SAG: variants seen among roughly 807,000 people sequenced by gnomAD.
The protein encoded by SAG is S-antigen visual arrestin, also known as S-arrestin.
In SAG, 45 loss-of-function variants were observed where a neutral mutation model predicts 55.0. The ratio of observed to expected loss-of-function variants is 0.82; its 90% CI spans 0.64 to 1.05. The LOEUF (loss-of-function observed/expected upper bound fraction) is 1.05. Ranked by LOEUF, SAG falls within the 50% of genes least tolerant of loss-of-function variation. SAG has a pLI of 0.00. For missense variants in SAG, 455 were observed against 512.1 expected (o/e 0.89, Z 1.08); for synonymous variants, 189 against 197.4 (o/e 0.96, Z 0.36).
intron 5 of SAG, among the ~76,000 whole-genome samples, chr2:233,321,915 G>C (rs1158767553): frequency 6.6e-6 from 1 of 151,584 alleles, no homozygotes; most frequent in Non-Finnish European, 1.5e-5. Context: ...GCCTTAAAAC[G>C]TGTGCTTCTC....
At chr2:233,335,614 G>A (rs1700901422) in intron 11 of SAG, among the ~76,000 whole-genome samples, 3 of 152,006 alleles carry the variant, frequency 2.0e-5, no homozygotes. Flanking sequence ...TTTCCATCAG[G>A]AATTGTAAAG....
chr2:233,317,019 G>T (rs998692075), intron 3 of SAG, among the ~76,000 whole-genome samples: 2 of 152,104 alleles, frequency 1.3e-5, no homozygotes, highest in Admixed American at 6.6e-5. Flanking sequence ...GTGCCACCAC[G>T]CCTGGCTAAT....
intron 3 of SAG, among the ~76,000 whole-genome samples, chr2:233,316,342 A>C: frequency 6.6e-6 from 1 of 151,734 alleles, no homozygotes; most frequent in Non-Finnish European, 1.5e-5. Flanking sequence ...ATGGAGTTTC[A>C]TTCTTGTTGG....
rs35197599 is a variant in SAG, at chr2:233,322,185, C to CAA, written c.376-738_376-737dup. On this transcript the variant is annotated intron_variant, in intron 5 of 15. Coordinates refer to ENST00000409110, the MANE Select transcript of SAG (RefSeq NM_000541.5). ...TGGGTGACAGAGCGAGACTCTGTCT[C>CAA]AAAAAAAAAAAAAAAAAAAAAAAAG... is the stretch of plus-strand genomic sequence containing the variant. Among the ~76,000 whole-genome samples the CAA allele has an allele frequency of 3.3e-3, 215 of 65,368 alleles. 1 individual carries two copies. Among genetic ancestry groups the CAA allele is most frequent in the Non-Finnish European group, 3.9e-3 (122 of 31,320 alleles). The allele number at this position is 65,368 out of a possible 152,430, so 42.9% of individuals were successfully genotyped here.
At chr2:233,339,789 AGTAGCTGGGATTACAG>A (rs1701045521) in intron 12 of SAG, among the ~76,000 whole-genome samples, 1 of 150,284 alleles carries the variant, frequency 6.7e-6, no homozygotes, top group South Asian at 2.1e-4. Context: ...TCAGCTTCTG[AGTAGCTGGGATTACAG>A]GTGCCCACCA....
chr2:233,327,124 T>C lies in SAG; in HGVS notation c.439T>C (p.Cys147Arg). Residue 147 changes from cysteine (C) to arginine (R), a missense_variant, in exon 7 of 16, where the codon TGT becomes CGT. Physicochemically the swap from Cys to Arg is radical, Grantham distance 180. Coordinates refer to ENST00000409110, the MANE Select transcript of SAG (RefSeq NM_000541.5). ...GTCTGCTCTCTCTCCCCAACAGTCC[T>C]GTGGGGTTGACTTTGAGGTCAAAGC... ...QPAPQDSGKS[C>R]GVDFEVKAFA... 1 of 1,613,482 alleles carries C rather than the reference T, an allele frequency of 6.2e-7. No homozygotes were observed. The highest frequency in any genetic ancestry group is 1.1e-5 in the South Asian group (1 of 91,080).
intron 11 of SAG, among the ~76,000 whole-genome samples, chr2:233,338,107 G>A (rs1192650957): frequency 6.6e-6 from 1 of 152,218 alleles, no homozygotes; most frequent in African/African-American, 2.4e-5. Flanking sequence ...GGATATCTTG[G>A]AAGGCAGGAG....
In SAG at chr2:233,335,164, C is replaced by A. The variant is rs1416253254; in HGVS notation, c.944+65C>A. The A allele has an allele frequency of 3.2e-6, 5 of 1,560,156 alleles. No homozygotes were observed. In the South Asian group the frequency reaches 5.8e-5, roughly 18 times the overall value. ...GGGCTGGTGCTGGTCTGCTTCCCTT[C>A]ACATCACCCTGCTGGGCTCGCAGGC... On this transcript the variant is annotated intron_variant, in intron 11 of 15. Coordinates refer to ENST00000409110, the MANE Select transcript of SAG (RefSeq NM_000541.5).
In SAG at chr2:233,320,680, G is replaced by T. The variant is rs760031511; in HGVS notation, c.232G>T (p.Val78Leu). 3.0e-5 allele frequency: 48 copies of T among 1,607,114 alleles called. No individual in the cohort carries two copies. The highest frequency in any genetic ancestry group is 3.9e-5 in the Non-Finnish European group (46 of 1,176,864). Reference protein sequence around the residue: ...AFRYGQEDIDVIGLTFRRDLY... With the variant: ...AFRYGQEDIDLIGLTFRRDLY... ...CCGCTATGGCCAAGAGGACATTGAC[G>T]TGATCGGCTTGACCTTCCGCAGGGA... Residue 78 changes from valine (V) to leucine (L), a missense_variant, in exon 5 of 16, where the codon GTG (valine) becomes TTG (leucine). By Grantham distance (32) the Val-to-Leu change is conservative. Transcript: ENST00000409110.
rs534274448 is a variant in SAG, at chr2:233,331,693, G to C, written c.787G>C (p.Val263Leu). The change falls in exon 10 of 16, where the codon GTG (valine) becomes CTG (leucine). Residue 263 changes from valine to leucine, a missense_variant. Coordinates refer to ENST00000409110, the MANE Select transcript of SAG (RefSeq NM_000541.5). ...CTCGAGTGATTATTACGTCAAGCCCGTGGCTATGGAGGAAGCGCAGTGAGT... is the reference window on the plus strand; with the variant it reads ...CTCGAGTGATTATTACGTCAAGCCCCTGGCTATGGAGGAAGCGCAGTGAGT... Reference protein sequence around the residue: ...LYSSDYYVKPVAMEEAQEKVP... With the variant: ...LYSSDYYVKPLAMEEAQEKVP... The C allele has an allele frequency of 6.2e-7, 1 of 1,613,600 alleles. No individual in the cohort carries two copies. Among genetic ancestry groups the C allele is most frequent in the African/African-American group, 1.3e-5 (1 of 75,028 alleles).
rs888643626 is a variant in SAG at position 233,340,617 on chromosome 2, C to T, written c.1046+139C>T. ...GGTGTTAGGAATGATGCTTTGCCTTCGGATGCATCACAGAACCGTGGCTCA... is the reference window on the plus strand; with the variant it reads ...GGTGTTAGGAATGATGCTTTGCCTTTGGATGCATCACAGAACCGTGGCTCA... On this transcript the variant is annotated intron_variant, in intron 13 of 15. Transcript: ENST00000409110. This position sits in a 1 kb window ranked among gnomAD's most constrained non-coding sequence, Gnocchi z 4.2. 3.0e-5 allele frequency: 21 copies of T among 693,520 alleles called. No individual in the cohort carries two copies. In the African/African-American group the frequency reaches 3.1e-4, roughly 10 times the overall value. 43.0% of individuals were successfully genotyped at this position (693,520 alleles called of 1,614,324 possible).
At chr2:233,335,905 G>A (rs1408807559) in intron 11 of SAG, among the ~76,000 whole-genome samples, 2 of 152,236 alleles carry the variant, frequency 1.3e-5, no homozygotes, top group East Asian at 1.9e-4. Flanking sequence ...CACCTCCGAG[G>A]TGATGCCAAT....
At chr2:233,312,869 C>A (rs1700113557) in intron 2 of SAG, among the ~76,000 whole-genome samples, 1 of 152,216 alleles carries the variant, frequency 6.6e-6, no homozygotes, top group South Asian at 2.1e-4. Flanking sequence ...TCCTCCCCAC[C>A]AGCCTTTGCC....
At chr2:233,345,279 G>A (rs1003897610) in intron 14 of SAG, 2 of 152,240 alleles carry the variant, frequency 1.3e-5, no homozygotes, top group Non-Finnish European at 2.9e-5. Context: ...TGCGGCTGGG[G>A]GTTGGTCCTC....
At chr2:233,332,028 T>G in intron 10 of SAG, 1 of 387,140 alleles carries the variant, frequency 2.6e-6, no homozygotes, top group South Asian at 3.0e-5. Flanking sequence ...AATGAATTGT[T>G]AGGAATTTGG....
At chr2:233,310,935 AT>A (rs1700062214) in intron 2 of SAG, among the ~76,000 whole-genome samples, 1 of 152,112 alleles carries the variant, frequency 6.6e-6, no homozygotes, top group African/African-American at 2.4e-5. Context: ...GAACTCGGTC[AT>A]TTTAATCAAG....
At chr2:233,331,483 C>G (rs998660758) in intron 9 of SAG, 157 bp from the exon 10 acceptor site, 4 of 690,492 alleles carry the variant, frequency 5.8e-6, no homozygotes, top group Non-Finnish European at 1.1e-5. Context: ...TTCAAAACCC[C>G]AGCCTTGAAG....
rs7572798 is a variant in SAG, at chr2:233,334,630, C to T, written c.807-332C>T. The T allele has an allele frequency of 0.015, 3,504 of 228,030 alleles. 150 individuals are homozygous for T. Among genetic ancestry groups the T allele is most frequent in the African/African-American group, 0.074 (3,310 of 44,574 alleles). The allele number at this position is 228,030 out of a possible 1,614,324, so 14.1% of individuals were successfully genotyped here. On this transcript the variant is annotated intron_variant, in intron 10 of 15. Transcript: ENST00000409110. ...CCAACCAGAAGGTTCTGCAGGCCAC[C>T]GTGTGGTTCACAAAGTCTCAGGAGG...
intron 5 of SAG, 116 bp from the exon 6 acceptor site, chr2:233,322,830 G>A (rs1700428761): frequency 2.8e-6 from 2 of 709,332 alleles, no homozygotes; most frequent in African/African-American, 1.8e-5. Flanking sequence ...AGGTGAATGT[G>A]ATTTTTCTTT....
Sources: gnomAD v4.1 joint callset for allele counts (sites outside exome capture counted in the v4.1 genomes callset) on GRCh38, gnomAD v4.1.1 for gene constraint, Gnocchi (gnomAD v3.1) non-coding constraint, MANE v1.5 for transcripts, NCBI Gene and HGNC (gene_info 2026-07-23, HGNC 2026-07-21) for gene names.